Variants in TMEM87A observed in about 807,000 individuals in gnomAD.
TMEM87A encodes the protein Golgi-pH regulating cation channel.
In TMEM87A, 50 loss-of-function variants were observed where a neutral mutation model predicts 90.0. The ratio of observed to expected loss-of-function variants is 0.56; its 90% CI spans 0.44 to 0.70. The LOEUF (loss-of-function observed/expected upper bound fraction) is 0.70, where lower values mean the gene tolerates loss of function less well. TMEM87A is among the 30% of genes least tolerant of loss of function. The probability of loss-of-function intolerance (pLI) is 0.00; values close to 1 mark genes in which losing one functional copy is unlikely to be tolerated. For missense variants in TMEM87A, 577 were observed against 660.5 expected (o/e 0.87, Z 1.39); for synonymous variants, 226 against 226.7 (o/e 1.00, Z 0.03).
chr15:42,234,943 A>G (rs2050745736), intron 10 of TMEM87A, among the ~76,000 whole-genome samples: 1 of 152,198 alleles, frequency 6.6e-6, no homozygotes, highest in African/African-American at 2.4e-5. Flanking sequence ...ACAGACTTCT[A>G]AATAATATTA....
intron 12 of TMEM87A, among the ~76,000 whole-genome samples, chr15:42,229,268 T>C (rs567111838): frequency 3.4e-4 from 52 of 152,142 alleles, no homozygotes; most frequent in African/African-American, 1.2e-3. Context: ...CCTCCCAAAG[T>C]GCTGGCATTA....
chr15:42,231,888 C>G, intron 11 of TMEM87A: 3 of 1,278,648 alleles, frequency 2.3e-6, no homozygotes, highest in Non-Finnish European at 3.1e-6. Context: ...GCCAGGTTTA[C>G]TATCAGAGTC....
At chr15:42,238,974 T>C (rs1253327648) in intron 8 of TMEM87A, among the ~76,000 whole-genome samples, 2 of 151,946 alleles carry the variant, frequency 1.3e-5, no homozygotes, top group Admixed American at 6.6e-5. Context: ...CACAGACGTA[T>C]GCACACATAC....
rs1473393841 is a variant in TMEM87A, at chr15:42,211,080, C to A, written c.*628G>T. ...ATCTTTAATATACACCATTTGTAAA[C>A]AAAATTGCACTTGATTTTGCTTTTT... On this transcript the variant is annotated 3_prime_UTR_variant, in exon 20 of 20. Coordinates refer to ENST00000389834, the MANE Select transcript of TMEM87A (RefSeq NM_015497.5). The A allele has an allele frequency of 6.6e-6, 1 of 151,084 alleles. No individual in the cohort carries two copies. Among genetic ancestry groups the A allele is most frequent in the East Asian group, 1.9e-4 (1 of 5,150 alleles). The allele number at this position is 151,084 out of a possible 1,614,324, so 9.4% of individuals were successfully genotyped here.
intron 4 of TMEM87A, 64 bp from the exon 5 acceptor site, chr15:42,261,313 A>C: frequency 1.4e-6 from 2 of 1,426,494 alleles, no homozygotes; most frequent in South Asian, 1.2e-5. Context: ...AGTGTAGCTC[A>C]AAATACAAAG....
chr15:42,219,788 G>A (rs1163211512), intron 16 of TMEM87A, 146 bp from the exon 17 acceptor site: 4 of 674,108 alleles, frequency 5.9e-6, no homozygotes, highest in Non-Finnish European at 9.7e-6. Flanking sequence ...TAATACTTGT[G>A]AAGTATACAA....
intron 15 of TMEM87A, among the ~76,000 whole-genome samples, chr15:42,221,271 CAGAGAGAGAGAGAG>C (rs1208211599): frequency 3.6e-5 from 4 of 111,896 alleles, no homozygotes; most frequent in East Asian, 2.7e-4. Flanking sequence ...GAGACAGAGA[CAGAGAGAGAGAGAG>C]AGAGAGAGAG....
intron 3 of TMEM87A, among the ~76,000 whole-genome samples, chr15:42,267,561 T>TA: frequency 6.6e-6 from 1 of 152,208 alleles, no homozygotes; most frequent in African/African-American, 2.4e-5. Flanking sequence ...TGCCAGATAG[T>TA]AAACAAATTT....
chr15:42,227,571 G>A, intron 14 of TMEM87A, 140 bp downstream of exon 14: 1 of 659,392 alleles, frequency 1.5e-6, no homozygotes, highest in African/African-American at 1.8e-5. Flanking sequence ...TAGGAGGAGG[G>A]AAGTATCACA....
chr15:42,239,465 T>C lies in TMEM87A; in HGVS notation c.684+205A>G, dbSNP rs966197374. On this transcript the variant is annotated intron_variant, in intron 8 of 19. Transcript: ENST00000389834. ...TTCCACAGGTCACTGACCCCTTCAT[T>C]ATATGGATAAGAAAATGAGGCACAC... Among the ~76,000 whole-genome samples the C allele has an allele frequency of 2.6e-5, 4 of 152,216 alleles. No individual in the cohort carries two copies. The East Asian group carries it at 5.8e-4, about 22-fold the overall frequency.
intron 10 of TMEM87A, among the ~76,000 whole-genome samples, chr15:42,234,373 A>G (rs2050738148): frequency 6.6e-6 from 1 of 152,210 alleles, no homozygotes; most frequent in Admixed American, 6.5e-5. Flanking sequence ...TCATGTCTGC[A>G]TAGGCCTTAC....
intron 6 of TMEM87A, among the ~76,000 whole-genome samples, chr15:42,260,424 AGTT>A (rs1317797365): frequency 3.9e-5 from 6 of 152,212 alleles, no homozygotes; most frequent in African/African-American, 7.2e-5. Context: ...ACCTTCATAA[AGTT>A]GTTATAAAAT....
chr15:42,245,956 T>C lies in TMEM87A; in HGVS notation c.505-1789A>G, dbSNP rs76975214. On this transcript the variant is annotated intron_variant, in intron 6 of 19. Coordinates refer to ENST00000389834, the MANE Select transcript of TMEM87A (RefSeq NM_015497.5). ...TTAATGCGTATAAATCAATGGTATG[T>C]GGTACAAGCACAATGATGTGCAAAT... 6.9e-3 allele frequency among the ~76,000 whole-genome samples: 1,048 copies of C among 152,336 alleles called. 11 individuals carry two copies. Among genetic ancestry groups the C allele is most frequent in the African/African-American group, 0.024 (1,014 of 41,566 alleles).
intron 4 of TMEM87A, among the ~76,000 whole-genome samples, chr15:42,263,161 A>G (rs888805352): frequency 1.3e-5 from 2 of 152,254 alleles, no homozygotes; most frequent in African/African-American, 4.8e-5. Context: ...ATGTCCATCA[A>G]CAGATGAATG....
At chr15:42,215,002 T>C (rs1264814262) in intron 19 of TMEM87A, among the ~76,000 whole-genome samples, 1 of 152,224 alleles carries the variant, frequency 6.6e-6, no homozygotes, top group Non-Finnish European at 1.5e-5. Flanking sequence ...GGCAATTTCA[T>C]AGCTGTGTGA....
At position 42,219,920 on chromosome 15, in the gene TMEM87A, CTTA is replaced by C. The variant is rs2050444297; in HGVS notation, c.1477+139_1477+141del. The C allele has an allele frequency of 1.5e-5, 12 of 783,948 alleles. No individual in the cohort carries two copies. The South Asian group carries it at 2.3e-4, about 15-fold the overall frequency. The allele number at this position is 783,948 out of a possible 1,614,324, so 48.6% of individuals were successfully genotyped here. On this transcript the variant is annotated intron_variant, in intron 16 of 19. Coordinates refer to ENST00000389834, the MANE Select transcript of TMEM87A (RefSeq NM_015497.5). ...CTTACTGAATTTACCATGCCTTCAT[CTTA>C]AGATTCACACCCTTATTTTCTTAAC...
chr15:42,250,004 A>C (rs908535255), intron 6 of TMEM87A, among the ~76,000 whole-genome samples: 9 of 152,038 alleles, frequency 5.9e-5, no homozygotes, highest in Non-Finnish European at 1.5e-5. Context: ...TGTTGAATTG[A>C]CCCCTTTACC....
Position 42,219,576 on chromosome 15 carries a change from C to T in TMEM87A, c.1539+5G>A, listed in dbSNP as rs1327431877. ...AACAAAGACAAATGGAAAAGTCATA[C>T]TTACTGCTTTGTTAACTTTACTATT... On this transcript the variant is annotated splice_donor_5th_base_variant and intron_variant, in intron 17 of 19. Transcript: ENST00000389834. The T allele has an allele frequency of 5.0e-6, 8 of 1,594,722 alleles. No individual in the cohort carries two copies. Among genetic ancestry groups the T allele is most frequent in the Non-Finnish European group, 6.8e-6 (8 of 1,169,068 alleles).
At chr15:42,228,529 T>C (rs2050634884) in intron 13 of TMEM87A, among the ~76,000 whole-genome samples, 183 bp downstream of exon 13, 1 of 152,150 alleles carries the variant, frequency 6.6e-6, no homozygotes, top group South Asian at 2.1e-4. Flanking sequence ...CTACTGTACA[T>C]AAAATAAATG....
Sources: gnomAD v4.1 joint callset for allele counts (sites outside exome capture counted in the v4.1 genomes callset) on GRCh38, gnomAD v4.1.1 for gene constraint, MANE v1.5 for transcripts, NCBI Gene and HGNC (gene_info 2026-07-23, HGNC 2026-07-21) for gene names.